OXCT1: variants seen among roughly 807,000 people sequenced by gnomAD.
OXCT1 encodes 3-oxoacid CoA-transferase 1.
Under a neutral mutation model 69.6 loss-of-function variants are expected in OXCT1, and 27 were observed. The ratio of observed to expected loss-of-function variants is 0.39; its 90% CI spans 0.29 to 0.54. The LOEUF (loss-of-function observed/expected upper bound fraction) is 0.54. OXCT1 is among the 20% of genes least tolerant of loss of function. OXCT1 has a pLI of 0.72. For missense variants in OXCT1, 437 were observed against 650.2 expected, an observed-to-expected ratio of 0.67 and a Z score of 3.57; for synonymous variants, 202 against 217.8, an observed-to-expected ratio of 0.93 and a Z score of 0.64.
In OXCT1 at chr5:41,870,296, CCCAGATCCGCGG is replaced by C. The variant is rs1284127629; in HGVS notation, c.51_62del (p.Arg18_Gly21del). 1 of 1,613,884 alleles carries C rather than the reference CCCAGATCCGCGG, an allele frequency of 6.2e-7. No individual in the cohort carries two copies. The highest frequency in any genetic ancestry group is 8.5e-7 in the Non-Finnish European group (1 of 1,179,812). On this transcript the variant is annotated inframe_deletion, in exon 1 of 17. Coordinates refer to ENST00000196371, the MANE Select transcript of OXCT1 (RefSeq NM_000436.4). This position sits in a 1 kb window ranked among gnomAD's most constrained non-coding sequence, Gnocchi z 4.2. The stretch of plus-strand genomic sequence containing the variant: ...CGCACTTTACCTTGTACCAGGTTGC[CCCAGATCCGCGG>C]GCAGAGGCGCAGAGCCGAAGCCCGG...
intron 14 of OXCT1, among the ~76,000 whole-genome samples, chr5:41,760,530 A>G (rs768640998): frequency 2.0e-5 from 3 of 152,160 alleles, no homozygotes; most frequent in Non-Finnish European, 2.9e-5. Context: ...GTGGAAGAAA[A>G]GAATTTGCAA....
rs776601044 is a variant in OXCT1, at chr5:41,794,724, T to G, written c.1125A>C (p.Pro375=). ...CATCGCTGGAGAAAAAAGAGGCTCC[T>G]GGAAGAATAGTAACTGTTTCCTTGC... ...NAGKETVTIL[P]GASFFSSDES... Residue 375 remains proline (P), a synonymous_variant, in exon 12 of 17, where the codon CCA becomes CCC. Coordinates refer to ENST00000196371, the MANE Select transcript of OXCT1 (RefSeq NM_000436.4). 6.2e-7 allele frequency: 1 copy of G among 1,613,768 alleles called. No individual in the cohort carries two copies. Among genetic ancestry groups the G allele is most frequent in the South Asian group, 1.1e-5 (1 of 91,072 alleles).
intron 3 of OXCT1, among the ~76,000 whole-genome samples, chr5:41,858,607 A>G (rs1206281851): frequency 6.6e-6 from 1 of 152,208 alleles, no homozygotes; most frequent in African/African-American, 2.4e-5. Context: ...TTAATGAGAC[A>G]CATTATTATA....
intron 10 of OXCT1, 83 bp downstream of exon 10, chr5:41,802,983 TAAA>T: frequency 1.0e-6 from 1 of 960,268 alleles, no homozygotes; most frequent in Non-Finnish European, 1.7e-6. Flanking sequence ...GCTATTGAAA[TAAA>T]AAAATTTAAT....
intron 13 of OXCT1, among the ~76,000 whole-genome samples, chr5:41,778,748 C>CA (rs1579718384): frequency 6.6e-6 from 1 of 152,316 alleles, no homozygotes; most frequent in East Asian, 1.9e-4. Context: ...ATCATTTCTG[C>CA]AAGTAATAAA....
intron 7 of OXCT1, among the ~76,000 whole-genome samples, chr5:41,812,135 C>T (rs1218934326): frequency 6.6e-6 from 1 of 151,516 alleles, no homozygotes; most frequent in South Asian, 2.1e-4. Context: ...GGACCTCTAA[C>T]GAATAAGAAT....
Position 41,776,829 on chromosome 5 carries a change from T to A in OXCT1, c.1249-14629A>T, listed in dbSNP as rs74552691. On this transcript the variant is annotated intron_variant, in intron 13 of 16. Transcript: ENST00000196371. ...AATTCATTATGTTGATAAGCCTATC[T>A]TGCTGCTAGACATCTTAGATTCTGA... is the stretch of plus-strand genomic sequence containing the variant. Among the ~76,000 whole-genome samples, 519 of 152,304 alleles carry A rather than the reference T, an allele frequency of 3.4e-3. 1 individual carries two copies. Among genetic ancestry groups the A allele is most frequent in the African/African-American group, 0.012 (490 of 41,560 alleles).
At chr5:41,782,505 C>A (rs1270600917) in intron 13 of OXCT1, among the ~76,000 whole-genome samples, 1 of 152,108 alleles carries the variant, frequency 6.6e-6, no homozygotes, top group Non-Finnish European at 1.5e-5. Context: ...TGAGCCACTG[C>A]CCCAGGAGCT....
chr5:41,795,021 C>T (rs899407982), intron 11 of OXCT1, among the ~76,000 whole-genome samples: 1 of 152,212 alleles, frequency 6.6e-6, no homozygotes, highest in African/African-American at 2.4e-5. Context: ...GCAGCAGTCC[C>T]CTTTTTGGTA....
intron 7 of OXCT1, among the ~76,000 whole-genome samples, chr5:41,834,025 A>G (rs1256614367): frequency 6.6e-6 from 1 of 152,028 alleles, no homozygotes; most frequent in Non-Finnish European, 1.5e-5. Context: ...AAAAAAGCAT[A>G]GAGTTTGTAT....
intron 13 of OXCT1, among the ~76,000 whole-genome samples, chr5:41,766,567 C>CAAAAAAAAAAAA (rs1419786124): frequency 7.4e-6 from 1 of 134,332 alleles, no homozygotes. Flanking sequence ...ACATTGTACT[C>CAAAAAAAAAAAA]CAAAAAAAAA....
intron 13 of OXCT1, among the ~76,000 whole-genome samples, chr5:41,765,702 T>A (rs1744565946): frequency 6.6e-6 from 1 of 152,170 alleles, no homozygotes; most frequent in Admixed American, 6.6e-5. Flanking sequence ...GTAATTCACC[T>A]TTCTATCCAG....
chr5:41,767,065 T>C (rs1204516839), intron 13 of OXCT1, among the ~76,000 whole-genome samples: 1 of 152,116 alleles, frequency 6.6e-6, no homozygotes, highest in Non-Finnish European at 1.5e-5. Context: ...CCTCTAAGCA[T>C]GCTCCTAGCT....
Position 41,744,478 on chromosome 5 carries a change from C to T in OXCT1, c.1420-4987G>A, listed in dbSNP as rs570462631. 3.2e-3 allele frequency among the ~76,000 whole-genome samples: 482 copies of T among 152,222 alleles called. 2 individuals are homozygous for T. The highest frequency in any genetic ancestry group is 0.011 in the African/African-American group (468 of 41,526). ...TGTTTCCTTCTCCTGCCTGATTGCC[C>T]TGGCCAGAACTTCCAACACTATGTT... is the stretch of plus-strand genomic sequence containing the variant. On this transcript the variant is annotated intron_variant, in intron 15 of 16. Coordinates refer to ENST00000196371, the MANE Select transcript of OXCT1 (RefSeq NM_000436.4).
intron 10 of OXCT1, among the ~76,000 whole-genome samples, chr5:41,801,608 A>G (rs1392369137): frequency 6.6e-6 from 1 of 152,178 alleles, no homozygotes; most frequent in Non-Finnish European, 1.5e-5. Flanking sequence ...GTGAGGATTA[A>G]TGAATACAAA....
intron 15 of OXCT1, among the ~76,000 whole-genome samples, chr5:41,746,044 A>C (rs528863638): frequency 4.6e-5 from 7 of 152,300 alleles, no homozygotes; most frequent in African/African-American, 1.4e-4. Flanking sequence ...TCCCTAACTC[A>C]TTTTATGAGG....
intron 14 of OXCT1, among the ~76,000 whole-genome samples, chr5:41,750,403 G>T (rs894855074): frequency 1.3e-5 from 2 of 152,086 alleles, no homozygotes; most frequent in East Asian, 3.9e-4. Flanking sequence ...GAGGAACACA[G>T]TTGAAACATT....
Position 41,762,061 on chromosome 5 carries a change from T to A in OXCT1, c.1338+50A>T. ...GACCTGGTGGTACACTGGGTTTTGA[T>A]GTATTGCAAATTTCCAAAAGCAGTA... On this transcript the variant is annotated intron_variant, in intron 14 of 16. Transcript: ENST00000196371. This position sits in a 1 kb window ranked among gnomAD's most constrained non-coding sequence, Gnocchi z 4.0. The A allele has an allele frequency of 8.2e-7, 1 of 1,219,218 alleles. No homozygotes were observed. 75.5% of individuals were successfully genotyped at this position (1,219,218 alleles called of 1,614,324 possible). A position where few individuals can be genotyped will look rare whatever the true frequency, so the allele number is the denominator to read the frequency against.
rs568241782 is a variant in OXCT1, at chr5:41,867,827, A to C, written c.78+2454T>G. ...GTAAAGTGTTAGTGGTACTCTTATA[A>C]CCTTTTTCCCACTAATAATTTTCTA... On this transcript the variant is annotated intron_variant, in intron 1 of 16. Coordinates refer to ENST00000196371, the MANE Select transcript of OXCT1 (RefSeq NM_000436.4). Among the ~76,000 whole-genome samples, 190 of 152,314 alleles carry C rather than the reference A, an allele frequency of 1.2e-3. 1 individual carries two copies. Among genetic ancestry groups the C allele is most frequent in the Non-Finnish European group, 1.3e-3 (89 of 68,016 alleles).
Sources: gnomAD v4.1 joint callset for allele counts (sites outside exome capture counted in the v4.1 genomes callset) on GRCh38, gnomAD v4.1.1 for gene constraint, Gnocchi (gnomAD v3.1) non-coding constraint, MANE v1.5 for transcripts, NCBI Gene and HGNC (gene_info 2026-07-23, HGNC 2026-07-21) for gene names.